The following MICALL2 variants were observed in gnomAD, a reference collection of about 807,000 sequenced individuals.
MICALL2 encodes MICAL-like protein 2.
Under a neutral mutation model 91.1 loss-of-function variants are expected in MICALL2, and 111 were observed. That is an observed-to-expected ratio of 1.22 (90% CI 1.04 to 1.43). The LOEUF (loss-of-function observed/expected upper bound fraction) is 1.43. Ranked by LOEUF, MICALL2 falls within the 40% of genes most tolerant of loss-of-function variation. The pLI is 0.00. For missense variants in MICALL2, 1,556 were observed against 1,236.0 expected, an observed-to-expected ratio of 1.26 and a Z score of -3.88; for synonymous variants, 694 against 525.3, an observed-to-expected ratio of 1.32 and a Z score of -4.39.
rs1029614746 is a variant in MICALL2 at position 1,438,888 on chromosome 7, G to A, written c.2074C>T (p.Gln692Ter). The change falls in exon 10 of 17, where the codon CAG (glutamine) becomes TAG (stop). Residue 692 changes from glutamine to a stop codon, truncating the protein, a stop_gained. Coordinates refer to ENST00000297508, the MANE Select transcript of MICALL2 (RefSeq NM_182924.4). LOFTEE classifies it high-confidence loss of function. The part of the protein sequence containing the change: ...PEPPGQEARV[Q>*]SWKEEEKKPH... ...TTCTTCTCCTCCTCCTTCCAGCTCT[G>A]CACTCGGGCTTCCTGGCCAGGGGGC... 9.3e-6 allele frequency: 15 copies of A among 1,610,746 alleles called. No homozygotes were observed. The highest frequency in any genetic ancestry group is 2.2e-5 in the South Asian group (2 of 91,078).
intron 16 of MICALL2, 117 bp downstream of exon 16, chr7:1,434,984 C>CT: frequency 3.8e-5 from 17 of 449,086 alleles, no homozygotes; most frequent in South Asian, 1.2e-4. Flanking sequence ...ACCCGATACC[C>CT]GCCCCCCCCC....
In MICALL2 at chr7:1,434,756, T is replaced by C. The variant is rs577963192; in HGVS notation, c.2639-84A>G. 4.5e-5 allele frequency: 62 copies of C among 1,363,470 alleles called. 1 individual carries two copies. The Middle Eastern group carries it at 3.5e-3, about 77-fold the overall frequency. The allele number at this position is 1,363,470 out of a possible 1,614,324, so 84.5% of individuals were successfully genotyped here. ...CACACAAGTCCCCCTGCCAGAAACA[T>C]CCTTCCCTTCCACTGGCCACAATCC... On this transcript the variant is annotated intron_variant, in intron 16 of 16. Transcript: ENST00000297508.
chr7:1,439,166 A>C (rs1284509077), intron 9 of MICALL2, 171 bp from the exon 10 acceptor site: 2 of 583,852 alleles, frequency 3.4e-6, no homozygotes, highest in Non-Finnish European at 5.9e-6. Context: ...GTCCTGCCCA[A>C]CCTGGCCATG....
At chr7:1,440,362 C>T (rs947543914) in intron 8 of MICALL2, 14 of 624,572 alleles carry the variant, frequency 2.2e-5, no homozygotes, top group African/African-American at 3.7e-5. Context: ...AGGCATGGTG[C>T]GTGAACCCAC....
intron 6 of MICALL2, among the ~76,000 whole-genome samples, chr7:1,443,217 A>C (rs1584213681): frequency 7.9e-6 from 1 of 125,982 alleles, no homozygotes; most frequent in Admixed American, 8.0e-5. Context: ...CCTAGGAAGC[A>C]CTCCCTGGAG....
intron 16 of MICALL2, 116 bp downstream of exon 16, chr7:1,434,985 G>GGGCCC: frequency 7.8e-6 from 2 of 255,664 alleles, no homozygotes; most frequent in Non-Finnish European, 1.5e-5. Flanking sequence ...CCCGATACCC[G>GGGCCC]CCCCCCCCCC....
chr7:1,436,943 G>A, intron 14 of MICALL2, 87 bp from the exon 15 acceptor site: 1 of 981,292 alleles, frequency 1.0e-6, no homozygotes, highest in Non-Finnish European at 1.4e-6. Flanking sequence ...CAAGCGCCAG[G>A]CTCCTCTTTT....
In MICALL2 at chr7:1,437,567, T is replaced by A. The variant is rs748117328; in HGVS notation, c.2444A>T (p.Glu815Val). 1 of 1,534,780 alleles carries A rather than the reference T, an allele frequency of 6.5e-7. No homozygotes were observed. Among genetic ancestry groups the A allele is most frequent in the Non-Finnish European group, 8.7e-7 (1 of 1,145,432 alleles). Residue 815 changes from glutamate to valine, a missense_variant, in exon 14 of 17, where the codon GAG becomes GTG. Transcript: ENST00000297508. The stretch of plus-strand genomic sequence containing the variant: ...GGCCATGAGCCGGCGCAGCTCGCCC[T>A]CGATGTCCAGCTGCTGCTCCTCCAG... ...QRLEEQQLDI[E>V]GELRRLMAKP...
chr7:1,450,182 G>C, intron 2 of MICALL2, 58 bp downstream of exon 2: 1 of 1,429,642 alleles, frequency 7.0e-7, no homozygotes, highest in Admixed American at 1.7e-5. Flanking sequence ...CCTCGGACGT[G>C]GGTGGGGCTC....
chr7:1,445,535 G>A lies in MICALL2; in HGVS notation c.642-107C>T, dbSNP rs535593617. ...ATTGCGGACTCCTGTGTCCACTTGCGAGGTTGCTGAACGCCCGCCCCGCCA... is the reference window on the plus strand; with the variant it reads ...ATTGCGGACTCCTGTGTCCACTTGCAAGGTTGCTGAACGCCCGCCCCGCCA... On this transcript the variant is annotated intron_variant, in intron 5 of 16. Coordinates refer to ENST00000297508, the MANE Select transcript of MICALL2 (RefSeq NM_182924.4). 4.8e-5 allele frequency: 56 copies of A among 1,156,840 alleles called. No individual in the cohort carries two copies. The African/African-American group carries it at 5.0e-4, about 10-fold the overall frequency. 71.7% of individuals were successfully genotyped at this position (1,156,840 alleles called of 1,614,324 possible). A position where few individuals can be genotyped will look rare whatever the true frequency, so the allele number is the denominator to read the frequency against.
At position 1,459,338 on chromosome 7, in the gene MICALL2, G is replaced by A. The variant is rs753190354; in HGVS notation, c.-12C>T. 28 of 1,504,408 alleles carry A rather than the reference G, an allele frequency of 1.9e-5. No individual in the cohort carries two copies. In the South Asian group the frequency reaches 3.3e-4, roughly 18 times the overall value. The allele number at this position is 1,504,408 out of a possible 1,614,324, so 93.2% of individuals were successfully genotyped here. A position where few individuals can be genotyped will look rare whatever the true frequency, so the allele number is the denominator to read the frequency against. ...CTGATGGCCGCCATGTGGGCGGCGC[G>A]CCCGCCGCGCGGCGGAACCGCCCTC... On this transcript the variant is annotated 5_prime_UTR_variant, in exon 1 of 17. Transcript: ENST00000297508.
intron 7 of MICALL2, 41 bp downstream of exon 7, chr7:1,442,151 G>T: frequency 6.2e-7 from 1 of 1,602,474 alleles, no homozygotes; most frequent in Non-Finnish European, 8.5e-7. Flanking sequence ...TCCCAGAGCT[G>T]CGGGCCCCCG....
Position 1,444,960 on chromosome 7 carries a change from G to T in MICALL2, c.1110C>A (p.Asp370Glu), listed in dbSNP as rs1319166771. ...CACCCTGGGGTGTGGCCGGGCGAGG[G>T]TCTGGGGCACTCGGGGGCACGGCGG... Reference protein sequence around the residue: ...SHPAVPPSAPDPRPATPQGGG... With the variant: ...SHPAVPPSAPEPRPATPQGGG... The change falls in exon 6 of 17, where the codon GAC becomes GAA. Residue 370 changes from aspartate (D) to glutamate (E), a missense_variant. Coordinates refer to ENST00000297508, the MANE Select transcript of MICALL2 (RefSeq NM_182924.4). 2.0e-6 allele frequency: 3 copies of T among 1,511,526 alleles called. No individual in the cohort carries two copies. The highest frequency in any genetic ancestry group is 4.9e-5 in the East Asian group (2 of 41,146). The allele number at this position is 1,511,526 out of a possible 1,614,324, so 93.6% of individuals were successfully genotyped here.
Position 1,434,515 on chromosome 7 carries a change from T to A in MICALL2, c.*81A>T. On this transcript the variant is annotated 3_prime_UTR_variant, in exon 17 of 17. Transcript: ENST00000297508. ...CCACGGCCCCGAGTACAAGTCCGGGTTCCGGGTCCGGGCCAAGCCCATGGC... is the reference window on the plus strand; with the variant it reads ...CCACGGCCCCGAGTACAAGTCCGGGATCCGGGTCCGGGCCAAGCCCATGGC... The A allele has an allele frequency of 3.9e-6, 5 of 1,272,548 alleles. No homozygotes were observed. The highest frequency in any genetic ancestry group is 5.7e-6 in the Non-Finnish European group (5 of 871,942). 78.8% of individuals were successfully genotyped at this position (1,272,548 alleles called of 1,614,324 possible). A position where few individuals can be genotyped will look rare whatever the true frequency, so the allele number is the denominator to read the frequency against.
rs267601382 is a variant in MICALL2, at chr7:1,434,568, C to G, written c.*28G>C. ...CGAGTCCAAGTCCGGATGCCAGGTC[C>G]GGGCCGAGCCCACGGCCCTACTGGC... On this transcript the variant is annotated 3_prime_UTR_variant, in exon 17 of 17. Coordinates refer to ENST00000297508, the MANE Select transcript of MICALL2 (RefSeq NM_182924.4). The G allele has an allele frequency of 4.4e-6, 7 of 1,584,860 alleles. No individual in the cohort carries two copies. Among genetic ancestry groups the G allele is most frequent in the Non-Finnish European group, 6.1e-6 (7 of 1,153,864 alleles).
intron 15 of MICALL2, among the ~76,000 whole-genome samples, 191 bp downstream of exon 15, chr7:1,436,551 C>CAAAAAAAAAAA (rs59955608): frequency 0.025 from 1,857 of 74,274 alleles, 30 homozygotes; most frequent in Non-Finnish European, 0.03. Flanking sequence ...GACTCTGTCT[C>CAAAAAAAAAAA]AAAAAAAAAA....
Position 1,434,576 on chromosome 7 carries a change from G to A in MICALL2, c.*20C>T. 3 of 1,601,296 alleles carry A rather than the reference G, an allele frequency of 1.9e-6. No individual in the cohort carries two copies. The highest frequency in any genetic ancestry group is 2.6e-6 in the Non-Finnish European group (3 of 1,168,718). ...AGTCCGGATGCCAGGTCCGGGCCGAGCCCACGGCCCTACTGGCTACTACTG... is the reference window on the plus strand; with the variant it reads ...AGTCCGGATGCCAGGTCCGGGCCGAACCCACGGCCCTACTGGCTACTACTG... On this transcript the variant is annotated 3_prime_UTR_variant, in exon 17 of 17. Transcript: ENST00000297508.
chr7:1,436,385 A>AAAAAAACAAAAAC (rs151336872), intron 15 of MICALL2, among the ~76,000 whole-genome samples: 82 of 149,120 alleles, frequency 5.5e-4, no homozygotes, highest in African/African-American at 1.9e-3. Context: ...TTCGTCTCAA[A>AAAAAAACAAAAAC]AAAAACAAAA....
intron 2 of MICALL2, among the ~76,000 whole-genome samples, chr7:1,449,950 G>A (rs755847680): frequency 5.3e-4 from 1 of 1,896 alleles, no homozygotes; most frequent in Non-Finnish European, 9.5e-4. Context: ...ACTGGGCTGA[G>A]CCCCCTTGCA....
Sources: allele counts gnomAD v4.1 joint callset (sites outside exome capture counted in the v4.1 genomes callset), GRCh38; gene constraint gnomAD v4.1.1; transcripts MANE v1.5; gene names NCBI Gene and HGNC (gene_info 2026-07-23, HGNC 2026-07-21).